COL8A1: variants seen among roughly 807,000 people sequenced by gnomAD.
COL8A1 encodes collagen type VIII alpha 1 chain.
In COL8A1, 21 loss-of-function variants were observed where a neutral mutation model predicts 42.7. The ratio of observed to expected loss-of-function variants is 0.49; its 90% CI spans 0.35 to 0.71. The LOEUF (loss-of-function observed/expected upper bound fraction) is 0.71. COL8A1 is among the 30% of genes least tolerant of loss of function. The pLI is 0.01. For synonymous variants in COL8A1, 367 were observed against 369.1 expected (o/e 0.99, Z 0.06); for missense variants, 788 against 962.4 (o/e 0.82, Z 2.40).
At chr3:99,771,554 T>G (rs1941581025) in intron 2 of COL8A1, among the ~76,000 whole-genome samples, 1 of 152,168 alleles carries the variant, frequency 6.6e-6, no homozygotes, top group Non-Finnish European at 1.5e-5. Context: ...AAACTCCACT[T>G]GAAATTAATG....
chr3:99,717,151 G>T (rs1004698781), intron 1 of COL8A1, among the ~76,000 whole-genome samples: 5 of 151,930 alleles, frequency 3.3e-5, no homozygotes, highest in Non-Finnish European at 7.4e-5. Flanking sequence ...TAATATCTCT[G>T]TTTTGTGCTA....
intron 1 of COL8A1, among the ~76,000 whole-genome samples, chr3:99,667,077 A>G (rs1435869564): frequency 1.3e-5 from 2 of 152,210 alleles, no homozygotes; most frequent in Admixed American, 6.5e-5. Context: ...CAGGAAGGTT[A>G]AATAACTTGC....
intron 1 of COL8A1, among the ~76,000 whole-genome samples, chr3:99,715,127 C>G (rs563043939): frequency 6.6e-6 from 1 of 151,978 alleles, no homozygotes; most frequent in Admixed American, 6.6e-5. Context: ...TCTAAAACCA[C>G]CAAAATGTCA....
intron 1 of COL8A1, among the ~76,000 whole-genome samples, chr3:99,659,758 A>T (rs1938141556): frequency 6.6e-6 from 1 of 152,336 alleles, no homozygotes; most frequent in African/African-American, 2.4e-5. Flanking sequence ...TGCCATGCTC[A>T]AAATGAGTCC....
At chr3:99,679,552 T>C (rs887378340) in intron 1 of COL8A1, 1 of 152,186 alleles carries the variant, frequency 6.6e-6, no homozygotes, top group African/African-American at 2.4e-5. Flanking sequence ...GGAGAAACAG[T>C]TGTTAATATC....
intron 1 of COL8A1, among the ~76,000 whole-genome samples, chr3:99,665,366 C>T (rs1265530441): frequency 1.3e-5 from 2 of 152,238 alleles, no homozygotes; most frequent in African/African-American, 2.4e-5. Context: ...TGTCCTTTCT[C>T]AGATAACATG....
At chr3:99,734,878 T>G (rs1190302318) in intron 1 of COL8A1, among the ~76,000 whole-genome samples, 1 of 152,136 alleles carries the variant, frequency 6.6e-6, no homozygotes, top group Non-Finnish European at 1.5e-5. Context: ...CCCTTGTAAG[T>G]TGGATTCCTA....
intron 1 of COL8A1, among the ~76,000 whole-genome samples, chr3:99,655,532 C>T (rs986201536): frequency 2.2e-4 from 34 of 152,296 alleles, no homozygotes; most frequent in South Asian, 1.2e-3. Context: ...TCAGTAAACG[C>T]TCATTGGGTA....
At chr3:99,699,615 T>G (rs1029837340) in intron 1 of COL8A1, among the ~76,000 whole-genome samples, 1 of 152,230 alleles carries the variant, frequency 6.6e-6, no homozygotes, top group African/African-American at 2.4e-5. Context: ...GGCTTTATTT[T>G]ACTCTCTCAA....
At chr3:99,643,043 G>T (rs576188183) in intron 1 of COL8A1, among the ~76,000 whole-genome samples, 1 of 152,294 alleles carries the variant, frequency 6.6e-6, no homozygotes, top group African/African-American at 2.4e-5. Context: ...GTAACTAAAA[G>T]TTAATTTTAC....
At chr3:99,680,610 C>T (rs1273959822) in intron 1 of COL8A1, 1 of 152,142 alleles carries the variant, frequency 6.6e-6, no homozygotes, top group Admixed American at 6.5e-5. Context: ...ACAGTCCCAC[C>T]AACAGTGTAA....
In COL8A1 at chr3:99,709,534, G is replaced by A. The variant is rs867696721; in HGVS notation, c.-128-35363G>A. On this transcript the variant is annotated intron_variant, in intron 1 of 3. Transcript: ENST00000652472. ...ACCCAAATTACAGCAAATAAATTTTGCAGAGCTATTTTTTAAAAGAAATCC... is the reference window on the plus strand; with the variant it reads ...ACCCAAATTACAGCAAATAAATTTTACAGAGCTATTTTTTAAAAGAAATCC... Among the ~76,000 whole-genome samples, 11 of 152,208 alleles carry A rather than the reference G, an allele frequency of 7.2e-5. No individual in the cohort carries two copies. In the South Asian group the frequency reaches 2.3e-3, roughly 32 times the overall value.
intron 1 of COL8A1, among the ~76,000 whole-genome samples, chr3:99,724,611 CCCTTCCAACCTT>C: frequency 1.3e-5 from 2 of 152,206 alleles, no homozygotes; most frequent in Middle Eastern, 6.8e-3. Flanking sequence ...CCCACACAAC[CCCTTCCAACCTT>C]CCTTTACATC....
At chr3:99,773,837 A>ATTTTTT (rs1172723632) in intron 2 of COL8A1, among the ~76,000 whole-genome samples, 2 of 45,398 alleles carry the variant, frequency 4.4e-5, no homozygotes, top group African/African-American at 1.3e-4. Flanking sequence ...ATATATATAT[A>ATTTTTT]TTTTTTTTTT....
chr3:99,741,771 A>G (rs984306597), intron 1 of COL8A1, among the ~76,000 whole-genome samples: 4 of 152,202 alleles, frequency 2.6e-5, no homozygotes, highest in African/African-American at 9.6e-5. Flanking sequence ...GGTCAGCCTC[A>G]CGGCCTTTTG....
At chr3:99,741,598 C>G (rs1370541431) in intron 1 of COL8A1, among the ~76,000 whole-genome samples, 1 of 152,168 alleles carries the variant, frequency 6.6e-6, no homozygotes, top group Non-Finnish European at 1.5e-5. Flanking sequence ...CATGGTTTTA[C>G]TCACATGTTT....
intron 1 of COL8A1, among the ~76,000 whole-genome samples, chr3:99,663,926 TC>T (rs1000707929): frequency 1.3e-5 from 2 of 152,142 alleles, no homozygotes; most frequent in African/African-American, 4.8e-5. Flanking sequence ...ACTAATAAAC[TC>T]CCCTACCACA....
At chr3:99,759,937 T>G (rs1238474615) in intron 2 of COL8A1, among the ~76,000 whole-genome samples, 1 of 152,174 alleles carries the variant, frequency 6.6e-6, no homozygotes, top group Non-Finnish European at 1.5e-5. Flanking sequence ...ACCAAACCCA[T>G]GTAGTATTTC....
chr3:99,778,634 CTT>C (rs1299240693), intron 2 of COL8A1, among the ~76,000 whole-genome samples: 1 of 151,816 alleles, frequency 6.6e-6, no homozygotes, highest in African/African-American at 2.4e-5. Context: ...AAAAGGCACT[CTT>C]TATTAATTTC....
Sources: gnomAD v4.1 joint callset for allele counts (sites outside exome capture counted in the v4.1 genomes callset) on GRCh38, gnomAD v4.1.1 for gene constraint, MANE v1.5 for transcripts, NCBI Gene and HGNC (gene_info 2026-07-23, HGNC 2026-07-21) for gene names.